The following ATL2 variants were observed in gnomAD, a reference collection of about 807,000 sequenced individuals.
ATL2 encodes atlastin-2.
A neutral mutation model predicts 73.9 loss-of-function variants in ATL2; 31 were observed. The observed-to-expected ratio is 0.42, with a 90% confidence interval of 0.32 to 0.57. The LOEUF (loss-of-function observed/expected upper bound fraction) is 0.57, where lower values mean the gene tolerates loss of function less well. Ranked by LOEUF, ATL2 falls within the 20% of genes least tolerant of loss-of-function variation. The pLI, the probability that ATL2 is intolerant of heterozygous loss-of-function variation, is 0.14. For missense variants in ATL2, 738 were observed against 702.6 expected (o/e 1.05, Z -0.57); for synonymous variants, 291 against 237.5 (o/e 1.23, Z -2.07).
In ATL2 at chr2:38,309,493, G is replaced by A. The variant is rs1413374265; in HGVS notation, c.957C>T (p.Asp319=). Residue 319 remains aspartate (D), a synonymous_variant, in exon 9 of 13, where the codon GAC becomes GAT. Transcript: ENST00000378954. ...CCAGATTTCGAAGCTCTCGTTTAAA[G>A]TCTTCATCAATATCTAGAAAACAAA... ...FDGRLKDIDE[D]FKRELRNLVP... is the part of the protein sequence containing the mutation. 3.7e-6 allele frequency: 6 copies of A among 1,610,554 alleles called. No individual in the cohort carries two copies. Among genetic ancestry groups the A allele is most frequent in the Non-Finnish European group, 1.7e-6 (2 of 1,179,366 alleles).
intron 1 of ATL2, among the ~76,000 whole-genome samples, chr2:38,365,499 A>C (rs1045976637): frequency 1.3e-5 from 2 of 152,144 alleles, no homozygotes; most frequent in Admixed American, 6.5e-5. Context: ...TACTAAAAAT[A>C]CAAAAAATTG....
At chr2:38,322,681 G>A (rs1368442108) in intron 2 of ATL2, among the ~76,000 whole-genome samples, 1 of 151,852 alleles carries the variant, frequency 6.6e-6, no homozygotes, top group African/African-American at 2.4e-5. Context: ...CCTTGTAATG[G>A]AAATGTTTAA....
At position 38,347,811 on chromosome 2, in the gene ATL2, G is replaced by T. The variant is rs1030830264; in HGVS notation, c.119-4299C>A. Among the ~76,000 whole-genome samples, 150 of 148,812 alleles carry T rather than the reference G, an allele frequency of 1.0e-3. 1 individual carries two copies. The highest frequency in any genetic ancestry group is 3.4e-3 in the African/African-American group (138 of 40,276). On this transcript the variant is annotated intron_variant, in intron 1 of 12. Coordinates refer to ENST00000378954, the MANE Select transcript of ATL2 (RefSeq NM_001135673.4). ...TTAAGGCAGAGCGCTCTGTCACCCA[G>T]GCTGGAGTGCAGTGGTGAGATCTCG...
upstream of ATL2, chr2:38,377,346 G>A (rs1277804802): frequency 8.4e-7 from 1 of 1,187,824 alleles, no homozygotes; most frequent in Non-Finnish European, 1.2e-6. Context: ...GGGGTGGCCG[G>A]CGGGTCCTAG....
intron 3 of ATL2, 35 bp downstream of exon 3, chr2:38,318,850 G>A (rs756813222): frequency 6.3e-7 from 1 of 1,592,376 alleles, no homozygotes; most frequent in African/African-American, 1.4e-5. Flanking sequence ...GCCCAAGAAA[G>A]AATACAGGGT....
chr2:38,296,048 G>A lies in ATL2; in HGVS notation c.1698C>T (p.Ile566=), dbSNP rs1400958920. ...ACACCTGGTCAGTCAGGCCTGCTTTGATAGAGTTTGTTACAGACTGCCTTA... is the reference window on the plus strand; with the variant it reads ...ACACCTGGTCAGTCAGGCCTGCTTTAATAGAGTTTGTTACAGACTGCCTTA... ...ENIRQSVTNS[I]KAGLTDQVSH... The change falls in exon 13 of 13, where the codon ATC becomes ATT. Residue 566 remains isoleucine (I), a synonymous_variant. Transcript: ENST00000378954. The A allele has an allele frequency of 6.4e-7, 1 of 1,551,720 alleles. No individual in the cohort carries two copies. Among genetic ancestry groups the A allele is most frequent in the South Asian group, 1.2e-5 (1 of 84,050 alleles).
At chr2:38,363,920 A>G (rs542865554) in intron 1 of ATL2, among the ~76,000 whole-genome samples, 7 of 152,334 alleles carry the variant, frequency 4.6e-5, no homozygotes, top group African/African-American at 1.7e-4. Flanking sequence ...GACATTCTGA[A>G]GACGGCTGCA....
intron 1 of ATL2, among the ~76,000 whole-genome samples, chr2:38,356,764 T>A (rs1670692882): frequency 6.6e-6 from 1 of 152,212 alleles, no homozygotes; most frequent in Non-Finnish European, 1.5e-5. Flanking sequence ...ATTAAGTTCT[T>A]CAGTCACACC....
rs760807574 is a variant in ATL2, at chr2:38,296,087, C to G, written c.1659G>C (p.Leu553Phe). 2.6e-6 allele frequency: 4 copies of G among 1,551,170 alleles called. No individual in the cohort carries two copies. The highest frequency in any genetic ancestry group is 3.5e-6 in the Non-Finnish European group (4 of 1,146,760). Residue 553 changes from leucine (L) to phenylalanine (F), a missense_variant, in exon 13 of 13, where the codon TTG (leucine) becomes TTC (phenylalanine). Transcript: ENST00000378954. ...EQVLKPLGDNLMEENIRQSVT... is the reference protein window; with the variant it reads ...EQVLKPLGDNFMEENIRQSVT... ...CAGACTGCCTTATGTTTTCCTCCAT[C>G]AAATTATCACCCAGGGGCTTCAATA...
chr2:38,301,951 G>A (rs1200573562), intron 9 of ATL2, among the ~76,000 whole-genome samples: 2 of 152,176 alleles, frequency 1.3e-5, no homozygotes, highest in African/African-American at 4.8e-5. Flanking sequence ...GGAGAGGAGA[G>A]GGGAGAGTAA....
Position 38,343,490 on chromosome 2 carries a change from G to A in ATL2, c.141C>T (p.Asp47=). 4 of 1,604,782 alleles carry A rather than the reference G, an allele frequency of 2.5e-6. No individual in the cohort carries two copies. The highest frequency in any genetic ancestry group is 3.4e-6 in the Non-Finnish European group (4 of 1,174,872). ...TSLGENYEDD[D]LVNSDEVMKK... ...TCATAACCTCATCAGAATTTACTAG[G>A]TCATCATCTTCATAATTCTCACCTA... Residue 47 remains aspartate, a synonymous_variant, in exon 2 of 13, where the codon GAC becomes GAT. Coordinates refer to ENST00000378954, the MANE Select transcript of ATL2 (RefSeq NM_001135673.4).
At chr2:38,335,620 C>G (rs1669312559) in intron 2 of ATL2, among the ~76,000 whole-genome samples, 1 of 152,062 alleles carries the variant, frequency 6.6e-6, no homozygotes, top group African/African-American at 2.4e-5. Flanking sequence ...AATTAGAGAG[C>G]CTCCTAGAAT....
At chr2:38,374,544 C>T (rs1423948958) in intron 1 of ATL2, among the ~76,000 whole-genome samples, 2 of 152,232 alleles carry the variant, frequency 1.3e-5, no homozygotes, top group Non-Finnish European at 2.9e-5. Context: ...AACTTCTACT[C>T]CTATGCCTTA....
intron 2 of ATL2, among the ~76,000 whole-genome samples, chr2:38,341,991 A>G (rs1159139773): frequency 6.6e-6 from 1 of 152,202 alleles, no homozygotes; most frequent in East Asian, 1.9e-4. Context: ...TTCCCTATAT[A>G]GCAATTCCAC....
chr2:38,316,391 T>A (rs1204263905), intron 4 of ATL2, among the ~76,000 whole-genome samples: 1 of 152,174 alleles, frequency 6.6e-6, no homozygotes, highest in African/African-American at 2.4e-5. Flanking sequence ...CAGGGCCAGG[T>A]TGCAAACAGC....
chr2:38,337,959 C>G (rs1050801997), intron 2 of ATL2, among the ~76,000 whole-genome samples: 3 of 152,112 alleles, frequency 2.0e-5, no homozygotes, highest in South Asian at 2.1e-4. Flanking sequence ...TGTTTAGTTT[C>G]ATGTATATTA....
At chr2:38,339,192 G>C (rs1012247637) in intron 2 of ATL2, among the ~76,000 whole-genome samples, 3 of 152,026 alleles carry the variant, frequency 2.0e-5, no homozygotes, top group Admixed American at 6.6e-5. Context: ...CTCCAGCCTG[G>C]GCAACGAGGG....
intron 1 of ATL2, among the ~76,000 whole-genome samples, chr2:38,375,788 GT>G (rs1671926665): frequency 6.6e-6 from 1 of 152,222 alleles, no homozygotes; most frequent in South Asian, 2.1e-4. Context: ...TTCTTTGGTA[GT>G]TTTTTATTCT....
At chr2:38,332,670 C>T (rs1398897896) in intron 2 of ATL2, among the ~76,000 whole-genome samples, 5 of 152,128 alleles carry the variant, frequency 3.3e-5, no homozygotes, top group Admixed American at 2.0e-4. Context: ...CTTTAGTGTA[C>T]AAGTTCAACA....
Sources: allele counts gnomAD v4.1 joint callset (sites outside exome capture counted in the v4.1 genomes callset), GRCh38; gene constraint gnomAD v4.1.1; transcripts MANE v1.5; gene names NCBI Gene and HGNC (gene_info 2026-07-23, HGNC 2026-07-21).